Variants in CDC25A observed in about 807,000 individuals in gnomAD.
CDC25A encodes the protein cell division cycle 25A, also known as M-phase inducer phosphatase 1.
A neutral mutation model predicts 64.6 loss-of-function variants in CDC25A; 17 were observed. The ratio of observed to expected loss-of-function variants is 0.26; its 90% confidence interval spans 0.18 to 0.39. The LOEUF is 0.39. CDC25A is among the 10% of genes least tolerant of loss of function. The pLI, the probability that CDC25A is intolerant of heterozygous loss-of-function variation, is 1.00. For missense variants in CDC25A, 473 were observed against 654.8 expected, an observed-to-expected ratio of 0.72 and a Z score of 3.03; for synonymous variants, 229 against 238.6, an observed-to-expected ratio of 0.96 and a Z score of 0.37.
intron 5 of CDC25A, 91 bp from the exon 6 acceptor site, chr3:48,180,931 C>A: frequency 1.7e-6 from 2 of 1,195,326 alleles, no homozygotes; most frequent in Admixed American, 2.1e-5. Context: ...GCACTGATCA[C>A]CTTTCTGCCT....
chr3:48,164,127 G>A (rs548922810), intron 13 of CDC25A, among the ~76,000 whole-genome samples, 180 bp downstream of exon 13: 2 of 152,312 alleles, frequency 1.3e-5, no homozygotes, highest in African/African-American at 4.8e-5. Context: ...AAGGACAGTC[G>A]GGGAGACTGG....
At position 48,187,957 on chromosome 3, in the gene CDC25A, C is replaced by G; in HGVS notation, c.-10G>C. The G allele has an allele frequency of 6.8e-7, 1 of 1,475,114 alleles. No homozygotes were observed. Among genetic ancestry groups the G allele is most frequent in the South Asian group, 1.3e-5 (1 of 75,228 alleles). The allele number at this position is 1,475,114 out of a possible 1,614,324, so 91.4% of individuals were successfully genotyped here. A position where few individuals can be genotyped will look rare whatever the true frequency, so the allele number is the denominator to read the frequency against. On this transcript the variant is annotated 5_prime_UTR_variant, in exon 1 of 15. Transcript: ENST00000302506. ...CCGGGCCCAGTTCCATGGCGGCGCCCGGCCTCGCAGAGCTCCCGCTCCCTC... is the reference window on the plus strand; with the variant it reads ...CCGGGCCCAGTTCCATGGCGGCGCCGGGCCTCGCAGAGCTCCCGCTCCCTC...
chr3:48,161,151 C>CAAAAAAAAA (rs780264649), intron 13 of CDC25A: 2 of 46,692 alleles, frequency 4.3e-5, no homozygotes, highest in African/African-American at 8.4e-5. Flanking sequence ...GATTCCAACT[C>CAAAAAAAAA]AAAAAAAAAA....
chr3:48,186,491 C>A (rs1418434510), intron 2 of CDC25A, among the ~76,000 whole-genome samples: 2 of 151,882 alleles, frequency 1.3e-5, no homozygotes, highest in African/African-American at 4.8e-5. Context: ...ATCACTTGAA[C>A]CCGGGAGGTG....
At chr3:48,176,495 G>T (rs2032461785) in intron 8 of CDC25A, among the ~76,000 whole-genome samples, 2 of 144,194 alleles carry the variant, frequency 1.4e-5, no homozygotes, top group South Asian at 4.3e-4. Flanking sequence ...ATCCCTGATG[G>T]AAACACAAAT....
intron 10 of CDC25A, among the ~76,000 whole-genome samples, chr3:48,166,517 T>TA (rs747921391): frequency 2.0e-5 from 3 of 152,200 alleles, no homozygotes; most frequent in East Asian, 1.9e-4. Context: ...CGTCAGTAGT[T>TA]AGACTGCGAA....
intron 9 of CDC25A, among the ~76,000 whole-genome samples, chr3:48,173,091 G>A (rs931672023): frequency 4.6e-5 from 7 of 151,104 alleles, no homozygotes; most frequent in Admixed American, 6.6e-5. Flanking sequence ...TGGTGGCGGG[G>A]TCCTGTAGTC....
Position 48,187,986 on chromosome 3 carries a change from C to A in CDC25A, c.-39G>T. 1.5e-6 allele frequency: 2 copies of A among 1,365,464 alleles called. No individual in the cohort carries two copies. Among genetic ancestry groups the A allele is most frequent in the Non-Finnish European group, 1.9e-6 (2 of 1,065,420 alleles). The allele number at this position is 1,365,464 out of a possible 1,614,324, so 84.6% of individuals were successfully genotyped here. A position where few individuals can be genotyped will look rare whatever the true frequency, so the allele number is the denominator to read the frequency against. ...CTCGCAGAGCTCCCGCTCCCTCTTCCTCTGCCTCCGCCGCGACCGCCCCGC... is the reference window on the plus strand; with the variant it reads ...CTCGCAGAGCTCCCGCTCCCTCTTCATCTGCCTCCGCCGCGACCGCCCCGC... On this transcript the variant is annotated 5_prime_UTR_variant, in exon 1 of 15. It adds an upstream start codon to the 5' untranslated region. Coordinates refer to ENST00000302506, the MANE Select transcript of CDC25A (RefSeq NM_001789.3).
Position 48,188,094 on chromosome 3 carries a change from T to A in CDC25A, c.-147A>T. 1 of 618,720 alleles carries A rather than the reference T, an allele frequency of 1.6e-6. No individual in the cohort carries two copies. The highest frequency in any genetic ancestry group is 2.3e-6 in the Non-Finnish European group (1 of 436,234). 38.3% of individuals were successfully genotyped at this position (618,720 alleles called of 1,614,324 possible). A position where few individuals can be genotyped will look rare whatever the true frequency, so the allele number is the denominator to read the frequency against. ...CGACTCCGCGGTTCAGGGACGCGGC[T>A]GCCGCGGGCAAGCGGCGCGGCCGGG... On this transcript the variant is annotated 5_prime_UTR_variant, in exon 1 of 15. Coordinates refer to ENST00000302506, the MANE Select transcript of CDC25A (RefSeq NM_001789.3).
chr3:48,159,177 G>C, intron 14 of CDC25A, 92 bp from the exon 15 acceptor site: 1 of 1,501,242 alleles, frequency 6.7e-7, no homozygotes, highest in Non-Finnish European at 9.1e-7. Context: ...GGCTGAAAGC[G>C]GCCAGGCAGA....
In CDC25A at chr3:48,159,325, T is replaced by G. The variant is rs2031652826; in HGVS notation, c.1434+19A>C. ...TGGGGGCAGGGGAGGAGAGATGCTC[T>G]CCACAACCCCAGTCTTACCTGGCAT... is the stretch of plus-strand genomic sequence containing the variant. On this transcript the variant is annotated intron_variant, in intron 14 of 14. Transcript: ENST00000302506. The G allele has an allele frequency of 6.4e-7, 1 of 1,551,500 alleles. No homozygotes were observed. Among genetic ancestry groups the G allele is most frequent in the Non-Finnish European group, 8.9e-7 (1 of 1,123,082 alleles).
At chr3:48,175,369 G>A (rs955040687) in intron 8 of CDC25A, among the ~76,000 whole-genome samples, 1 of 152,208 alleles carries the variant, frequency 6.6e-6, no homozygotes, top group East Asian at 1.9e-4. Flanking sequence ...GTGGTAGCAA[G>A]AGTCAGCTCT....
chr3:48,165,634 AC>A lies in CDC25A; in HGVS notation c.1191+1del. ...TCTACAGCAAGTCTCAGGAATCCATACCTTGATGTGGCCTCCCTCGTATTCA... is the reference window on the plus strand; with the variant it reads ...TCTACAGCAAGTCTCAGGAATCCATACTTGATGTGGCCTCCCTCGTATTCA... On this transcript the variant is annotated splice_donor_variant, in intron 12 of 14. Transcript: ENST00000302506. LOFTEE classifies it high-confidence loss of function. 1 of 1,603,348 alleles carries A rather than the reference AC, an allele frequency of 6.2e-7. No individual in the cohort carries two copies. The highest frequency in any genetic ancestry group is 8.5e-7 in the Non-Finnish European group (1 of 1,170,298).
chr3:48,176,793 T>C (rs2032479251), intron 8 of CDC25A, among the ~76,000 whole-genome samples: 1 of 151,180 alleles, frequency 6.6e-6, no homozygotes, highest in East Asian at 1.9e-4. Flanking sequence ...CAACATAATG[T>C]AACCCCGTCT....
At position 48,165,934 on chromosome 3, in the gene CDC25A, A is replaced by G. The variant is rs1351925082; in HGVS notation, c.1030-41T>C. 6.1e-6 allele frequency: 8 copies of G among 1,316,048 alleles called. No homozygotes were observed. The East Asian group carries it at 6.9e-5, about 11-fold the overall frequency. The allele number at this position is 1,316,048 out of a possible 1,614,324, so 81.5% of individuals were successfully genotyped here. On this transcript the variant is annotated intron_variant, in intron 10 of 14. Coordinates refer to ENST00000302506, the MANE Select transcript of CDC25A (RefSeq NM_001789.3). ...AGATACTTAGAGAATCTGAAAGCCT[A>G]TATATTATTCACACTTATACTGTTT...
intron 5 of CDC25A, 103 bp downstream of exon 5, chr3:48,182,825 TG>T: frequency 1.4e-6 from 1 of 736,468 alleles, no homozygotes; most frequent in African/African-American, 1.7e-5. Context: ...CCGCACATAA[TG>T]GCCAAGTTTA....
Position 48,185,364 on chromosome 3 carries a change from C to T in CDC25A, c.248-669G>A, listed in dbSNP as rs562036007. ...TCGGAAAGTTGAAGCTACAGTGAACCCTGATTGTGCCACTGTACACCAGCC... is the reference window on the plus strand; with the variant it reads ...TCGGAAAGTTGAAGCTACAGTGAACTCTGATTGTGCCACTGTACACCAGCC... On this transcript the variant is annotated intron_variant, in intron 2 of 14. Transcript: ENST00000302506. 6.2e-4 allele frequency among the ~76,000 whole-genome samples: 93 copies of T among 150,738 alleles called. 3 individuals carry two copies. Among genetic ancestry groups the T allele is most frequent in the Non-Finnish European group, 3.4e-4 (23 of 67,762 alleles).
chr3:48,163,464 C>A (rs543495293), intron 13 of CDC25A, among the ~76,000 whole-genome samples: 1 of 148,082 alleles, frequency 6.8e-6, no homozygotes, highest in African/African-American at 2.5e-5. Flanking sequence ...ATTAGCCGGG[C>A]GTGATGGCGC....
At chr3:48,177,106 A>G (rs1043952289) in intron 8 of CDC25A, among the ~76,000 whole-genome samples, 1 of 152,234 alleles carries the variant, frequency 6.6e-6, no homozygotes. Context: ...TAAAGGCTTC[A>G]GATAGGCTTT....
Sources: allele counts gnomAD v4.1 joint callset (sites outside exome capture counted in the v4.1 genomes callset), GRCh38; gene constraint gnomAD v4.1.1; transcripts MANE v1.5; gene names NCBI Gene and HGNC (gene_info 2026-07-23, HGNC 2026-07-21).